Variants in GRIK2 observed in about 807,000 individuals in gnomAD.
GRIK2 encodes the protein glutamate receptor ionotropic, kainate 2.
GRIK2 carries 32 observed loss-of-function variants against 100.3 expected under a neutral mutation model. That is an observed-to-expected ratio of 0.32 (90% CI 0.24 to 0.43). GRIK2 has a LOEUF of 0.43. Among genes scored for constraint, GRIK2 ranks in the 20% least tolerant of loss-of-function variants. The pLI is 1.00. For missense variants in GRIK2, 843 were observed against 1,114.9 expected (o/e 0.76, Z 3.47); for synonymous variants, 417 against 389.4 (o/e 1.07, Z -0.83).
intron 12 of GRIK2, among the ~76,000 whole-genome samples, chr6:101,913,718 G>A (rs1295887254): frequency 6.6e-6 from 1 of 151,328 alleles, no homozygotes; most frequent in African/African-American, 2.4e-5. Flanking sequence ...CTGTAATAAA[G>A]GAACATTTTT....
At chr6:101,894,117 A>C (rs1038822234) in intron 12 of GRIK2, among the ~76,000 whole-genome samples, 2 of 151,496 alleles carry the variant, frequency 1.3e-5, no homozygotes, top group Non-Finnish European at 3.0e-5. Context: ...TTTTATTACA[A>C]ATTAAGATCT....
chr6:101,625,470 C>A (rs1315098648), intron 3 of GRIK2, among the ~76,000 whole-genome samples: 1 of 151,588 alleles, frequency 6.6e-6, no homozygotes, highest in African/African-American at 2.4e-5. Context: ...TCTAATTCCC[C>A]TTTGCCCATC....
intron 1 of GRIK2, among the ~76,000 whole-genome samples, 179 bp downstream of exon 1, chr6:101,394,016 G>A (rs1051643556): frequency 6.6e-6 from 1 of 152,236 alleles, no homozygotes; most frequent in East Asian, 1.9e-4. Context: ...CGGATTCACT[G>A]CGAGTCTTTG....
chr6:101,984,754 C>A (rs1290164698), intron 14 of GRIK2, among the ~76,000 whole-genome samples: 1 of 151,478 alleles, frequency 6.6e-6, no homozygotes, highest in Non-Finnish European at 1.5e-5. Context: ...TAAAAATGGT[C>A]TTTTCATAAC....
At chr6:101,833,021 AC>A (rs1782802882) in intron 10 of GRIK2, among the ~76,000 whole-genome samples, 1 of 152,190 alleles carries the variant, frequency 6.6e-6, no homozygotes. Flanking sequence ...ACACAAATAG[AC>A]TTTATTGGGA....
chr6:101,699,118 G>C (rs147849269), intron 7 of GRIK2, among the ~76,000 whole-genome samples: 1,801 of 152,274 alleles, frequency 0.012, 18 homozygotes, highest in Middle Eastern at 0.017. Flanking sequence ...CATAGCTGCT[G>C]CCAGGTTTGA....
At chr6:102,007,074 A>G (rs912985192) in intron 14 of GRIK2, among the ~76,000 whole-genome samples, 5 of 152,132 alleles carry the variant, frequency 3.3e-5, no homozygotes, top group Admixed American at 2.6e-4. Flanking sequence ...ATACAATTGT[A>G]AACAAAACGT....
chr6:101,556,004 A>G (rs1382400432), intron 2 of GRIK2, among the ~76,000 whole-genome samples: 3 of 152,102 alleles, frequency 2.0e-5, no homozygotes, highest in Non-Finnish European at 2.9e-5. Flanking sequence ...TGAAGTTTTC[A>G]GTAATTTATT....
chr6:101,876,638 T>G (rs1171110721), intron 11 of GRIK2, among the ~76,000 whole-genome samples: 1 of 151,882 alleles, frequency 6.6e-6, no homozygotes, highest in African/African-American at 2.4e-5. Flanking sequence ...CAGTGAGATT[T>G]AATGTGCACT....
chr6:101,934,697 ATTG>A (rs1426218192), intron 14 of GRIK2, among the ~76,000 whole-genome samples: 17 of 152,026 alleles, frequency 1.1e-4, no homozygotes, highest in Middle Eastern at 3.4e-3. Context: ...GCAAAACAGA[ATTG>A]TTGTCCGTTT....
At chr6:101,969,879 C>A (rs144735601) in intron 14 of GRIK2, among the ~76,000 whole-genome samples, 1 of 151,976 alleles carries the variant, frequency 6.6e-6, no homozygotes, top group Non-Finnish European at 1.5e-5. Flanking sequence ...AGGCTTAAAA[C>A]CACCATATTA....
chr6:101,436,797 A>AT (rs932544642), intron 2 of GRIK2, among the ~76,000 whole-genome samples: 4 of 150,692 alleles, frequency 2.7e-5, no homozygotes, highest in Non-Finnish European at 5.9e-5. Context: ...TATTATTATT[A>AT]TTTTTTATTA....
chr6:101,446,623 C>T (rs768925410), intron 2 of GRIK2, among the ~76,000 whole-genome samples: 2 of 151,698 alleles, frequency 1.3e-5, no homozygotes, highest in African/African-American at 2.4e-5. Flanking sequence ...AACAAGCCCT[C>T]AGAAAGGAAA....
chr6:101,917,257 T>C (rs2791789), intron 12 of GRIK2, among the ~76,000 whole-genome samples: 142,128 of 151,670 alleles, frequency 0.94, 66,634 homozygotes, highest in Middle Eastern at 0.97. Flanking sequence ...TATTTTCTTT[T>C]GTACTGGAGA....
At chr6:101,739,178 G>GA (rs1775867636) in intron 7 of GRIK2, among the ~76,000 whole-genome samples, 1 of 152,164 alleles carries the variant, frequency 6.6e-6, no homozygotes, top group Non-Finnish European at 1.5e-5. Context: ...TTTCTCAACT[G>GA]AATAGAACAT....
chr6:101,867,086 C>A (rs568096020), intron 11 of GRIK2, among the ~76,000 whole-genome samples: 1 of 151,934 alleles, frequency 6.6e-6, no homozygotes, highest in South Asian at 2.1e-4. Context: ...GTTTTTGTTT[C>A]TCAGATTTAG....
intron 7 of GRIK2, among the ~76,000 whole-genome samples, chr6:101,758,355 C>G (rs1214658084): frequency 6.6e-6 from 1 of 152,012 alleles, no homozygotes; most frequent in Admixed American, 6.6e-5. Flanking sequence ...TATAACTAAG[C>G]CAGAATGCAT....
At chr6:101,427,417 A>T (rs1769095385) in intron 2 of GRIK2, among the ~76,000 whole-genome samples, 1 of 152,196 alleles carries the variant, frequency 6.6e-6, no homozygotes. Context: ...TTTATCCACG[A>T]ATATATTTAG....
At chr6:101,489,015 T>C (rs1772970552) in intron 2 of GRIK2, among the ~76,000 whole-genome samples, 1 of 146,688 alleles carries the variant, frequency 6.8e-6, no homozygotes, top group Non-Finnish European at 1.5e-5. Flanking sequence ...GCTAAAGTAA[T>C]GATAGTTGAC....
Sources: allele counts gnomAD v4.1 joint callset (sites outside exome capture counted in the v4.1 genomes callset), GRCh38; gene constraint gnomAD v4.1.1; transcripts MANE v1.5; gene names NCBI Gene and HGNC (gene_info 2026-07-23, HGNC 2026-07-21).